Variants in TRUB2 observed in about 807,000 individuals in gnomAD.
TRUB2 encodes pseudouridylate synthase TRUB2, mitochondrial.
In TRUB2, 31 loss-of-function variants were observed where a neutral mutation model predicts 31.9. The observed-to-expected ratio is 0.97, with a 90% CI of 0.73 to 1.31. The LOEUF (loss-of-function observed/expected upper bound fraction) is 1.31, where lower values mean the gene tolerates loss of function less well. TRUB2 is among the 50% of genes most tolerant of loss of function. TRUB2 has a pLI of 0.00. For synonymous variants in TRUB2, 201 were observed against 182.6 expected (o/e 1.10, Z -0.81); for missense variants, 451 against 439.6 (o/e 1.03, Z -0.23).
intron 4 of TRUB2, 98 bp downstream of exon 4, chr9:128,315,469 T>TTG: frequency 7.8e-7 from 1 of 1,279,420 alleles, no homozygotes. Flanking sequence ...GCTTATGGCT[T>TTG]GGGTGTTCCC....
chr9:128,313,807 C>T lies in TRUB2; in HGVS notation c.460+1G>A, dbSNP rs1478378411. The T allele has an allele frequency of 1.9e-6, 3 of 1,614,096 alleles. No homozygotes were observed. In the African/African-American group the frequency reaches 4.0e-5, roughly 22 times the overall value. ...CAGCGGCAGCCACTTCCGGTTCTCA[C>T]CATAGGTTGTCTTCTCTACCAGCCT... On this transcript the variant is annotated splice_donor_variant, in intron 5 of 7. Coordinates refer to ENST00000372890, the MANE Select transcript of TRUB2 (RefSeq NM_015679.3). LOFTEE classifies it high-confidence loss of function.
At chr9:128,313,996 C>T in intron 4 of TRUB2, 107 bp from the exon 5 acceptor site, 2 of 946,640 alleles carry the variant, frequency 2.1e-6, no homozygotes, top group South Asian at 1.4e-5. Flanking sequence ...CCTCAGGAAG[C>T]TCATGTGCCC....
At chr9:128,311,647 T>C (rs761596345) in intron 5 of TRUB2, 46 bp from the exon 6 acceptor site, 16 of 1,600,320 alleles carry the variant, frequency 1.0e-5, no homozygotes, top group Middle Eastern at 1.7e-4. Context: ...CTGCTGAGTA[T>C]TGGTCACAGC....
chr9:128,312,119 G>A (rs1224759561), intron 5 of TRUB2, among the ~76,000 whole-genome samples: 14 of 149,592 alleles, frequency 9.4e-5, no homozygotes, highest in Admixed American at 5.4e-4. Flanking sequence ...ACAGGTGTGA[G>A]CCACTGCACC....
At chr9:128,319,038 C>T (rs777648502) in intron 2 of TRUB2, among the ~76,000 whole-genome samples, 5 of 151,746 alleles carry the variant, frequency 3.3e-5, no homozygotes, top group Non-Finnish European at 7.4e-5. Flanking sequence ...AAAAATTAGC[C>T]AGGCATGGCC....
rs1259523972 is a variant in TRUB2 at position 128,309,558 on chromosome 9, C to A, written c.988G>T (p.Gly330Trp). The A allele has an allele frequency of 6.2e-7, 1 of 1,609,902 alleles. No homozygotes were observed. Among genetic ancestry groups the A allele is most frequent in the African/African-American group, 1.3e-5 (1 of 74,954 alleles). ...SSTLGLERGA[G>W]Q is the part of the protein sequence containing the mutation. The stretch of plus-strand genomic sequence containing the variant: ...AGGAGCTGCCTGGGCATTCACTGCC[C>A]CGCACCCCTCTCCAGCCCCAAGGTA... The change falls in exon 8 of 8, where the codon GGG becomes TGG. Residue 330 changes from glycine (G) to tryptophan (W), a missense_variant. Coordinates refer to ENST00000372890, the MANE Select transcript of TRUB2 (RefSeq NM_015679.3).
At chr9:128,322,167 G>T (rs1832197379) in intron 1 of TRUB2, 133 bp downstream of exon 1, 1 of 686,980 alleles carries the variant, frequency 1.5e-6, no homozygotes, top group Non-Finnish European at 2.5e-6. Context: ...AAAGCACAGA[G>T]AACAGGCGTT....
intron 4 of TRUB2, among the ~76,000 whole-genome samples, chr9:128,314,528 T>C (rs1328799756): frequency 6.6e-6 from 1 of 152,084 alleles, no homozygotes; most frequent in Non-Finnish European, 1.5e-5. Flanking sequence ...TCCCAGCACT[T>C]TGGGAGACAG....
intron 3 of TRUB2, 60 bp downstream of exon 3, chr9:128,317,092 A>G: frequency 6.9e-7 from 1 of 1,459,640 alleles, no homozygotes; most frequent in Non-Finnish European, 9.3e-7. Context: ...GGCTCCTGGT[A>G]GCTTCAGGAT....
intron 2 of TRUB2, 105 bp downstream of exon 2, chr9:128,321,494 T>C: frequency 6.3e-7 from 1 of 1,576,534 alleles, no homozygotes; most frequent in South Asian, 1.1e-5. Flanking sequence ...CACTCCTCTG[T>C]GGACCTTCAA....
At chr9:128,316,005 A>C in intron 3 of TRUB2, 1 of 226,590 alleles carries the variant, frequency 4.4e-6, no homozygotes, top group Non-Finnish European at 9.2e-6. Flanking sequence ...CATCAGTAAA[A>C]TGGGGGTAAA....
Position 128,307,312 on chromosome 9 carries a change from A to T in TRUB2, c.*2238T>A, listed in dbSNP as rs1258561503. 1.3e-5 allele frequency: 2 copies of T among 152,046 alleles called. No homozygotes were observed. The allele number at this position is 152,046 out of a possible 1,614,324, so 9.4% of individuals were successfully genotyped here. A position where few individuals can be genotyped will look rare whatever the true frequency, so the allele number is the denominator to read the frequency against. ...AATATTTAGCCAGGCATCGTGGTGC[A>T]CGCCTGTAGTCCCAGCTATTCTGGA... is the stretch of plus-strand genomic sequence containing the variant. On this transcript the variant is annotated 3_prime_UTR_variant, in exon 8 of 8. Transcript: ENST00000372890.
intron 4 of TRUB2, among the ~76,000 whole-genome samples, 200 bp downstream of exon 4, chr9:128,315,367 C>T (rs1049556960): frequency 6.6e-6 from 1 of 152,146 alleles, no homozygotes; most frequent in Non-Finnish European, 1.5e-5. Flanking sequence ...CAGTGCTCAG[C>T]ACAGAGTAGT....
rs1298315789 is a variant in TRUB2, at chr9:128,309,108, A to AT, written c.*441dup. On this transcript the variant is annotated 3_prime_UTR_variant, in exon 8 of 8. Coordinates refer to ENST00000372890, the MANE Select transcript of TRUB2 (RefSeq NM_015679.3). ...GTTAATGACACTGCAAATACTTACA[A>AT]TTTTTTTTAATTTTTAATTTTCGTG... 13 of 164,254 alleles carry AT rather than the reference A, an allele frequency of 7.9e-5. 1 individual carries two copies. In the East Asian group the frequency reaches 1.2e-3, roughly 15 times the overall value. The allele number at this position is 164,254 out of a possible 1,614,324, so 10.2% of individuals were successfully genotyped here. A position where few individuals can be genotyped will look rare whatever the true frequency, so the allele number is the denominator to read the frequency against.
intron 5 of TRUB2, 91 bp downstream of exon 5, chr9:128,313,717 C>T (rs1588523504): frequency 8.5e-7 from 1 of 1,171,568 alleles, no homozygotes; most frequent in South Asian, 1.3e-5. Context: ...TGCAGTGGAA[C>T]TGAGAAGGGG....
chr9:128,315,990 T>C (rs1056750473), intron 3 of TRUB2: 8 of 238,920 alleles, frequency 3.3e-5, no homozygotes, highest in Non-Finnish European at 6.9e-5. Flanking sequence ...GAGCGTCAAG[T>C]TCCCCATCAG....
At chr9:128,314,664 C>A (rs528673740) in intron 4 of TRUB2, among the ~76,000 whole-genome samples, 11 of 152,234 alleles carry the variant, frequency 7.2e-5, no homozygotes, top group African/African-American at 2.6e-4. Flanking sequence ...CTCCTGGCCT[C>A]AAGTGACCCA....
chr9:128,317,027 G>T, intron 3 of TRUB2, 125 bp downstream of exon 3: 1 of 810,994 alleles, frequency 1.2e-6, no homozygotes, highest in Non-Finnish European at 1.9e-6. Flanking sequence ...CTTGGGGCAG[G>T]AATCAGGGCA....
At position 128,322,367 on chromosome 9, in the gene TRUB2, C is replaced by G. The variant is rs750374626; in HGVS notation, c.42G>C (p.Ala14=). The G allele has an allele frequency of 1.2e-6, 2 of 1,614,068 alleles. No individual in the cohort carries two copies. The highest frequency in any genetic ancestry group is 2.2e-5 in the South Asian group (2 of 91,068). The change falls in exon 1 of 8, where the codon GCG becomes GCC. Residue 14 remains alanine, a synonymous_variant. Transcript: ENST00000372890. ...AGLSRLHGLF[A]VYKPPGLKWK... ...ATTTTAGCCCCGGGGGCTTATAGAC[C>G]GCGAAAAGCCCATGCAGCCGCGACA...
Sources: allele counts gnomAD v4.1 joint callset (sites outside exome capture counted in the v4.1 genomes callset), GRCh38; gene constraint gnomAD v4.1.1; transcripts MANE v1.5; gene names NCBI Gene and HGNC (gene_info 2026-07-23, HGNC 2026-07-21).